ANKK1: variants seen among roughly 807,000 people sequenced by gnomAD.
ANKK1 encodes the protein ankyrin repeat and protein kinase domain-containing protein 1.
Under a neutral mutation model 37.6 loss-of-function variants are expected in ANKK1, and 37 were observed. That is an observed-to-expected ratio of 0.98 (90% CI 0.76 to 1.29). ANKK1 has a LOEUF of 1.29. Ranked by LOEUF, ANKK1 falls within the 50% of genes most tolerant of loss-of-function variation. ANKK1 has a pLI of 0.00. For missense variants in ANKK1, 1,019 were observed against 990.6 expected (o/e 1.03, Z -0.39); for synonymous variants, 415 against 418.7 (o/e 0.99, Z 0.11).
At position 113,389,839 on chromosome 11, in the gene ANKK1, G is replaced by A. The variant is rs1950574283; in HGVS notation, c.185+1770G>A. ...AGTAAAAGAGCAGTGGAAAACCACT[G>A]AGCATTTACAACCAGGTAGCGGTGG... On this transcript the variant is annotated intron_variant, in intron 1 of 7. Coordinates refer to ENST00000303941, the MANE Select transcript of ANKK1 (RefSeq NM_178510.2). 2.0e-5 allele frequency among the ~76,000 whole-genome samples: 3 copies of A among 152,214 alleles called. No individual in the cohort carries two copies. The South Asian group carries it at 6.2e-4, about 32-fold the overall frequency.
rs1026011532 is a variant in ANKK1 at position 113,395,921 on chromosome 11, A to G, written c.683-146A>G. The G allele has an allele frequency of 1.6e-5, 15 of 932,268 alleles. No individual in the cohort carries two copies. The African/African-American group carries it at 2.3e-4, about 14-fold the overall frequency. 57.7% of individuals were successfully genotyped at this position (932,268 alleles called of 1,614,324 possible). A position where few individuals can be genotyped will look rare whatever the true frequency, so the allele number is the denominator to read the frequency against. ...TCAACACAGAACCTCAAGTTGGTTG[A>G]AAGTCTAGCTGTTTACTCACCAAGC... On this transcript the variant is annotated intron_variant, in intron 4 of 7. Coordinates refer to ENST00000303941, the MANE Select transcript of ANKK1 (RefSeq NM_178510.2).
chr11:113,395,737 CTT>C (rs1361282388), intron 4 of ANKK1, among the ~76,000 whole-genome samples: 1 of 152,164 alleles, frequency 6.6e-6, no homozygotes, highest in African/African-American at 2.4e-5. Context: ...CTGCAGGAAA[CTT>C]GGGCAACCTT....
chr11:113,388,621 C>T (rs1950565237), intron 1 of ANKK1, among the ~76,000 whole-genome samples: 1 of 152,250 alleles, frequency 6.6e-6, no homozygotes, highest in African/African-American at 2.4e-5. Context: ...GCCTGATGGC[C>T]TGTCCAGGCC....
At chr11:113,395,679 G>A (rs1471797380) in intron 4 of ANKK1, among the ~76,000 whole-genome samples, 1 of 152,160 alleles carries the variant, frequency 6.6e-6, no homozygotes, top group Non-Finnish European at 1.5e-5. Context: ...TGCCCTTTCT[G>A]CCTTCTCACA....
In ANKK1 at chr11:113,390,756, CA is replaced by C. The variant is rs1262448976; in HGVS notation, c.185+2695del. Reference sequence around the variant, plus strand: ...GTCTCAAAAAAAAAAAAAAACAAAGCAAAAAAAAGGCATGGAGGAGATGCAT... The same window carrying C: ...GTCTCAAAAAAAAAAAAAAACAAAGCAAAAAAAGGCATGGAGGAGATGCAT... On this transcript the variant is annotated intron_variant, in intron 1 of 7. Transcript: ENST00000303941. Among the ~76,000 whole-genome samples, 4 of 145,952 alleles carry C rather than the reference CA, an allele frequency of 2.7e-5. No homozygotes were observed. The East Asian group carries it at 8.0e-4, about 29-fold the overall frequency.
chr11:113,398,108 C>T (rs1012259414), intron 7 of ANKK1, 92 bp downstream of exon 7: 4 of 1,436,120 alleles, frequency 2.8e-6, no homozygotes, highest in Admixed American at 2.0e-5. Flanking sequence ...TGGCCTCCCC[C>T]TCATCCCCAG....
chr11:113,396,943 CTG>C (rs1048133345), intron 5 of ANKK1, among the ~76,000 whole-genome samples: 161 of 152,282 alleles, frequency 1.1e-3, no homozygotes, highest in African/African-American at 3.2e-3. Context: ...CCTTTGGGGA[CTG>C]TGAAAATGCA....
intron 5 of ANKK1, 115 bp from the exon 6 acceptor site, chr11:113,397,109 T>G: frequency 1.2e-6 from 1 of 848,600 alleles, no homozygotes; most frequent in Non-Finnish European, 1.8e-6. Flanking sequence ...TATGAACATA[T>G]GTGAGCCCAG....
At position 113,393,699 on chromosome 11, in the gene ANKK1, A is replaced by G. The variant is rs202206437; in HGVS notation, c.404A>G (p.His135Arg). Residue 135 changes from histidine (H) to arginine (R), a missense_variant, in exon 2 of 8, where the codon CAC (histidine) becomes CGC (arginine). Coordinates refer to ENST00000303941, the MANE Select transcript of ANKK1 (RefSeq NM_178510.2). ...HETSLAMNFL[H>R]SIKPPLLHLD... The stretch of plus-strand genomic sequence containing the variant: ...ACCAGCTTGGCCATGAACTTCCTGC[A>G]CAGCATTAAGCCGCCTCTGCTCCAC... 1.2e-6 allele frequency: 2 copies of G among 1,613,886 alleles called. No individual in the cohort carries two copies. The highest frequency in any genetic ancestry group is 4.5e-5 in the East Asian group (2 of 44,884).
In ANKK1 at chr11:113,390,716, CA is replaced by C. The variant is rs1315063244; in HGVS notation, c.185+2651del. On this transcript the variant is annotated intron_variant, in intron 1 of 7. Coordinates refer to ENST00000303941, the MANE Select transcript of ANKK1 (RefSeq NM_178510.2). The stretch of plus-strand genomic sequence containing the variant: ...TGCCATTGCACTCCAGCCTGGGCAA[CA>C]AAAGTGAGACTTGGTCTCAAAAAAA... 2.0e-4 allele frequency among the ~76,000 whole-genome samples: 20 copies of C among 102,542 alleles called. 1 individual carries two copies. The highest frequency in any genetic ancestry group is 8.0e-4 in the African/African-American group (20 of 25,074). 67.3% of individuals were successfully genotyped at this position (102,542 alleles called of 152,430 possible). A position where few individuals can be genotyped will look rare whatever the true frequency, so the allele number is the denominator to read the frequency against.
chr11:113,394,560 A>G (rs1014300901), intron 2 of ANKK1, among the ~76,000 whole-genome samples: 9 of 152,214 alleles, frequency 5.9e-5, no homozygotes, highest in African/African-American at 2.2e-4. Flanking sequence ...CGGAGGTGCA[A>G]TGAATAGCTT....
chr11:113,395,030 G>A lies in ANKK1; in HGVS notation c.582G>A (p.Glu194=), dbSNP rs550568398. The A allele has an allele frequency of 2.5e-6, 4 of 1,613,356 alleles. No individual in the cohort carries two copies. The highest frequency in any genetic ancestry group is 4.5e-5 in the East Asian group (2 of 44,856). Residue 194 remains glutamate, a synonymous_variant, in exon 3 of 8, where the codon GAG becomes GAA. Coordinates refer to ENST00000303941, the MANE Select transcript of ANKK1 (RefSeq NM_178510.2). ...LRGMLSYIPP[E]MFLESNKAPG... is the part of the protein sequence containing the mutation. The stretch of plus-strand genomic sequence containing the variant: ...GCATGCTCAGCTACATCCCCCCTGA[G>A]ATGTTCCTGGAGAGTAACAAGGCCC...
intron 4 of ANKK1, 104 bp from the exon 5 acceptor site, chr11:113,395,963 C>G: frequency 1.5e-6 from 2 of 1,356,062 alleles, no homozygotes; most frequent in Non-Finnish European, 2.0e-6. Context: ...GGAGCCCCCA[C>G]TGCGTGCATG....
Position 113,399,486 on chromosome 11 carries a change from A to C in ANKK1, c.1517A>C (p.His506Pro), listed in dbSNP as rs1002357219. ...TPLHVAAYFGHVSLVKLLTSQ... is the reference protein window; with the variant it reads ...TPLHVAAYFGPVSLVKLLTSQ... ...CTCCATGTGGCCGCCTACTTTGGCC[A>C]TGTTAGCCTGGTCAAGCTGCTGACC... Residue 506 changes from histidine to proline, a missense_variant, in exon 8 of 8, where the codon CAT becomes CCT. By Grantham distance (77) the His-to-Pro change is moderately conservative. Coordinates refer to ENST00000303941, the MANE Select transcript of ANKK1 (RefSeq NM_178510.2). The C allele has an allele frequency of 6.3e-7, 1 of 1,592,140 alleles. No homozygotes were observed. The highest frequency in any genetic ancestry group is 2.3e-5 in the East Asian group (1 of 43,808).
At position 113,400,382 on chromosome 11, in the gene ANKK1, C is replaced by CAAAATTTA. The variant is rs1205308654; in HGVS notation, c.*115_*116insAAAATTTA. ...GGCCAGCCTGGCCAACATGGCAAAA[C>CAAAATTTA]CCTGTCTCTGCTAAAAATACAAAAT... On this transcript the variant is annotated 3_prime_UTR_variant, in exon 8 of 8. Coordinates refer to ENST00000303941, the MANE Select transcript of ANKK1 (RefSeq NM_178510.2). The CAAAATTTA allele has an allele frequency of 9.2e-7, 1 of 1,091,760 alleles. No homozygotes were observed. The highest frequency in any genetic ancestry group is 1.6e-5 in the African/African-American group (1 of 62,900). The allele number at this position is 1,091,760 out of a possible 1,614,324, so 67.6% of individuals were successfully genotyped here.
At chr11:113,389,632 T>A (rs1273416560) in intron 1 of ANKK1, among the ~76,000 whole-genome samples, 2 of 152,172 alleles carry the variant, frequency 1.3e-5, no homozygotes, top group Non-Finnish European at 2.9e-5. Flanking sequence ...TTGACTGATA[T>A]CAGAAAAGGC....
At chr11:113,393,852 G>A in intron 2 of ANKK1, 77 bp downstream of exon 2, 1 of 1,469,240 alleles carries the variant, frequency 6.8e-7, no homozygotes, top group Non-Finnish European at 9.1e-7. Flanking sequence ...CCACCTGCCT[G>A]ACCGGCCTGT....
chr11:113,395,997 C>T, intron 4 of ANKK1, 70 bp from the exon 5 acceptor site: 3 of 1,569,866 alleles, frequency 1.9e-6, no homozygotes, highest in Non-Finnish European at 2.6e-6. Flanking sequence ...CTCAGAGCCC[C>T]CGCCTTCCTC....
Position 113,399,205 on chromosome 11 carries a change from C to T in ANKK1, c.1236C>T (p.Ala412=). Residue 412 remains alanine, a synonymous_variant, in exon 8 of 8, where the codon GCC becomes GCT. Transcript: ENST00000303941. Reference sequence around the variant, plus strand: ...AGGACCAGCAACCCGACCTCTGTGCCCTGCTTTTGGCACATGGTGCTGATG... The same window carrying T: ...AGGACCAGCAACCCGACCTCTGTGCTCTGCTTTTGGCACATGGTGCTGATG... The part of the protein sequence containing the change: ...AAQDQQPDLC[A]LLLAHGADAN... 1 of 1,604,046 alleles carries T rather than the reference C, an allele frequency of 6.2e-7. No individual in the cohort carries two copies. Among genetic ancestry groups the T allele is most frequent in the Non-Finnish European group, 8.5e-7 (1 of 1,175,612 alleles).
Sources: allele counts gnomAD v4.1 joint callset (sites outside exome capture counted in the v4.1 genomes callset), GRCh38; gene constraint gnomAD v4.1.1; transcripts MANE v1.5; gene names NCBI Gene and HGNC (gene_info 2026-07-23, HGNC 2026-07-21).